Variants in OR4M1 observed in about 807,000 individuals in gnomAD.
OR4M1 encodes olfactory receptor family 4 subfamily M member 1.
A neutral mutation model predicts 9.8 loss-of-function variants in OR4M1; 7 were observed. The observed-to-expected ratio is 0.71, with a 90% CI of 0.41 to 1.34. OR4M1 has a LOEUF of 1.34. OR4M1 is among the 40% of genes most tolerant of loss of function. The pLI, the probability that OR4M1 is intolerant of heterozygous loss-of-function variation, is 0.01. For missense variants in OR4M1, 331 were observed against 380.4 expected, an observed-to-expected ratio of 0.87 and a Z score of 1.08; for synonymous variants, 121 against 139.8, an observed-to-expected ratio of 0.87 and a Z score of 0.95.
intron 1 of OR4M1, among the ~76,000 whole-genome samples, chr14:19,778,900 C>T (rs1440582613): frequency 2.0e-5 from 3 of 152,214 alleles, no homozygotes; most frequent in Non-Finnish European, 4.4e-5. Context: ...GAAGTCCATA[C>T]TGGGCAATTT....
In OR4M1 at chr14:19,781,576, G is replaced by GA. The variant is rs1384179040; in HGVS notation, c.*314dup. 1.4e-5 allele frequency: 4 copies of GA among 293,270 alleles called. No homozygotes were observed. The highest frequency in any genetic ancestry group is 8.9e-5 in the African/African-American group (4 of 45,148). The allele number at this position is 293,270 out of a possible 1,614,324, so 18.2% of individuals were successfully genotyped here. ...TCTGCAGAGGCTCTGGCTTTGAGGG[G>GA]AACATGTTGATAAAAATAAATAAGA... On this transcript the variant is annotated 3_prime_UTR_variant, in exon 2 of 2. Transcript: ENST00000641200.
intron 1 of OR4M1, among the ~76,000 whole-genome samples, chr14:19,776,455 C>T (rs1297773567): frequency 2.0e-5 from 3 of 152,194 alleles, no homozygotes; most frequent in Admixed American, 1.3e-4. Flanking sequence ...TACTACGTCC[C>T]TGTAGATTAA....
In OR4M1 at chr14:19,779,761, G is replaced by A. The variant is rs181378310; in HGVS notation, c.-29-533G>A. On this transcript the variant is annotated intron_variant, in intron 1 of 1. Transcript: ENST00000641200. ...ATTAAGCTATACAGGTTTTGGTTACGCTTATGGAAAAATATGTCCATTCAG... is the reference window on the plus strand; with the variant it reads ...ATTAAGCTATACAGGTTTTGGTTACACTTATGGAAAAATATGTCCATTCAG... Among the ~76,000 whole-genome samples, 31 of 152,322 alleles carry A rather than the reference G, an allele frequency of 2.0e-4. No individual in the cohort carries two copies. The East Asian group carries it at 3.9e-3, about 19-fold the overall frequency.
chr14:19,778,236 T>C (rs1878367772), intron 1 of OR4M1, among the ~76,000 whole-genome samples: 2 of 152,240 alleles, frequency 1.3e-5, no homozygotes, highest in South Asian at 4.1e-4. Context: ...ACCTGATGTA[T>C]GTTTGTCTTT....
rs1172962415 is a variant in OR4M1, at chr14:19,780,611, T to A, written c.289T>A (p.Cys97Ser). Residue 97 changes from cysteine to serine, a missense_variant, in exon 2 of 2, where the codon TGC becomes AGC. This residue lies in a region of OR4M1 where 209 missense variants were observed against 200.0 expected (regional missense o/e 1.04). Coordinates refer to ENST00000641200, the MANE Select transcript of OR4M1 (RefSeq NM_001005500.2). ...VERKIISFGG[C>S]IAQLFFLHFV... The stretch of plus-strand genomic sequence containing the variant: ...GAGGAAGATAATTTCCTTTGGTGGA[T>A]GCATTGCACAGCTCTTCTTCTTACA... 1 of 1,614,240 alleles carries A rather than the reference T, an allele frequency of 6.2e-7. No homozygotes were observed.
rs1878552615 is a variant in OR4M1 at position 19,783,091 on chromosome 14, A to G, written c.*1827A>G. The G allele has an allele frequency of 6.6e-6, 1 of 152,300 alleles. No homozygotes were observed. The highest frequency in any genetic ancestry group is 1.5e-5 in the Non-Finnish European group (1 of 68,058). The allele number at this position is 152,300 out of a possible 1,614,324, so 9.4% of individuals were successfully genotyped here. ...TGAAAATACTGAAGCTAGTAATACA[A>G]AGGAAAAAGGCATAAAAACAGTAGT... On this transcript the variant is annotated 3_prime_UTR_variant, in exon 2 of 2. Transcript: ENST00000641200.
Position 19,780,547 on chromosome 14 carries a change from C to T in OR4M1, c.225C>T (p.Ser75=), listed in dbSNP as rs762824144. Residue 75 remains serine, a synonymous_variant, in exon 2 of 2, where the codon TCC becomes TCT. Transcript: ENST00000641200. ...CCCTCCTTGATATTTGGTACTCTTC[C>T]ATTACAGCCCCTAAAATGCTCATAG... The part of the protein sequence containing the change: ...NLALLDIWYS[S]ITAPKMLIDF... 36 of 1,614,076 alleles carry T rather than the reference C, an allele frequency of 2.2e-5. No homozygotes were observed. Among genetic ancestry groups the T allele is most frequent in the Non-Finnish European group, 2.8e-5 (33 of 1,180,008 alleles).
intron 1 of OR4M1, among the ~76,000 whole-genome samples, chr14:19,774,370 TC>T (rs1878249995): frequency 6.6e-6 from 1 of 152,226 alleles, no homozygotes; most frequent in South Asian, 2.1e-4. Context: ...CATGTAATCA[TC>T]CCATCCATCC....
chr14:19,774,339 T>C (rs1262820813), intron 1 of OR4M1, among the ~76,000 whole-genome samples: 1 of 152,212 alleles, frequency 6.6e-6, no homozygotes, highest in East Asian at 1.9e-4. Flanking sequence ...GTCTATTGAT[T>C]TATTTATTCA....
intron 1 of OR4M1, among the ~76,000 whole-genome samples, chr14:19,778,887 A>T (rs1351688107): frequency 6.6e-6 from 1 of 152,220 alleles, no homozygotes; most frequent in Non-Finnish European, 1.5e-5. Flanking sequence ...TAATTAACTC[A>T]CTGAAGTCCA....
chr14:19,780,399 T>A lies in OR4M1; in HGVS notation c.77T>A (p.Val26Asp), dbSNP rs763620842. The A allele has an allele frequency of 6.2e-7, 1 of 1,614,174 alleles. No individual in the cohort carries two copies. Among genetic ancestry groups the A allele is most frequent in the Non-Finnish European group, 8.5e-7 (1 of 1,179,998 alleles). The change falls in exon 2 of 2, where the codon GTC (valine) becomes GAC (aspartate). Residue 26 changes from valine (V) to aspartate (D), a missense_variant. Val to Asp is a radical substitution (Grantham distance 152). Transcript: ENST00000641200. ...TCCCAGACTCGGGAGGTCCAACTAG[T>A]CCTATTTGTTATATTTCTATCCTTC... ...GLSQTREVQL[V>D]LFVIFLSFYL...
At chr14:19,773,801 C>T (rs866793645) in intron 1 of OR4M1, among the ~76,000 whole-genome samples, 87 of 152,170 alleles carry the variant, frequency 5.7e-4, no homozygotes, top group Admixed American at 7.2e-4. Flanking sequence ...TGTTTCTTCT[C>T]GGCCTTGATC....
intron 1 of OR4M1, among the ~76,000 whole-genome samples, chr14:19,776,895 T>C (rs539532069): frequency 6.6e-6 from 1 of 151,798 alleles, no homozygotes; most frequent in East Asian, 1.9e-4. Flanking sequence ...CCTTTGGTAG[T>C]ATGACAATAA....
At chr14:19,779,741 G>C (rs1168228031) in intron 1 of OR4M1, among the ~76,000 whole-genome samples, 1 of 152,232 alleles carries the variant, frequency 6.6e-6, no homozygotes, top group African/African-American at 2.4e-5. Flanking sequence ...CAAGGATTAA[G>C]CTATACAGGT....
At position 19,780,407 on chromosome 14, in the gene OR4M1, G is replaced by A. The variant is rs1004702968; in HGVS notation, c.85G>A (p.Val29Ile). 3.7e-6 allele frequency: 6 copies of A among 1,614,052 alleles called. No homozygotes were observed. The highest frequency in any genetic ancestry group is 5.1e-6 in the Non-Finnish European group (6 of 1,180,006). The change falls in exon 2 of 2, where the codon GTT (valine) becomes ATT (isoleucine). Residue 29 changes from valine to isoleucine, a missense_variant. This residue lies in a region of OR4M1 where 209 missense variants were observed against 200.0 expected (regional missense o/e 1.04). Transcript: ENST00000641200. The part of the protein sequence containing the change: ...QTREVQLVLF[V>I]IFLSFYLFIL... ...TCGGGAGGTCCAACTAGTCCTATTT[G>A]TTATATTTCTATCCTTCTATTTGTT...
At chr14:19,780,186 C>G in intron 1 of OR4M1, 108 bp from the exon 2 acceptor site, 1 of 986,686 alleles carries the variant, frequency 1.0e-6, no homozygotes, top group Non-Finnish European at 1.5e-6. Flanking sequence ...CCAAATGTAT[C>G]CTCATGTAAT....
rs538917292 is a variant in OR4M1, at chr14:19,780,046, A to G, written c.-29-248A>G. On this transcript the variant is annotated intron_variant, in intron 1 of 1. Coordinates refer to ENST00000641200, the MANE Select transcript of OR4M1 (RefSeq NM_001005500.2). ...ATTGCCGAATTTCAGAAAAAGTAAG[A>G]TTTTTAACATTAACAAGCCGAGATT... is the stretch of plus-strand genomic sequence containing the variant. 5.9e-5 allele frequency among the ~76,000 whole-genome samples: 9 copies of G among 152,348 alleles called. No homozygotes were observed. The South Asian group carries it at 1.7e-3, about 28-fold the overall frequency.
At chr14:19,778,495 A>G (rs1878374747) in intron 1 of OR4M1, among the ~76,000 whole-genome samples, 1 of 152,240 alleles carries the variant, frequency 6.6e-6, no homozygotes, top group South Asian at 2.1e-4. Flanking sequence ...GGAAAAAATA[A>G]TCACTTCCAT....
chr14:19,778,287 T>C (rs536161091), intron 1 of OR4M1, among the ~76,000 whole-genome samples: 1 of 152,336 alleles, frequency 6.6e-6, no homozygotes, highest in South Asian at 2.1e-4. Flanking sequence ...CTTTCTAGAT[T>C]AGTGCCATTT....
Sources: gnomAD v4.1 joint callset for allele counts (sites outside exome capture counted in the v4.1 genomes callset) on GRCh38, gnomAD v4.1.1 for gene constraint, gnomAD v4.1.1 regional missense constraint, MANE v1.5 for transcripts, NCBI Gene and HGNC (gene_info 2026-07-23, HGNC 2026-07-21) for gene names.